Variants in SPECC1 observed in about 807,000 individuals in gnomAD.
The protein encoded by SPECC1 is cytospin-B.
Under a neutral mutation model 104.1 loss-of-function variants are expected in SPECC1, and 62 were observed. The ratio of observed to expected loss-of-function variants is 0.60; its 90% CI spans 0.49 to 0.74. The LOEUF is 0.74. Among genes scored for constraint, SPECC1 ranks in the 30% least tolerant of loss-of-function variants. The pLI is 0.00. For missense variants in SPECC1, 1,306 were observed against 1,310.5 expected, an observed-to-expected ratio of 1.00 and a Z score of 0.05; for synonymous variants, 513 against 501.6, an observed-to-expected ratio of 1.02 and a Z score of -0.30.
chr17:20,194,225 C>T (rs535427802), intron 3 of SPECC1, among the ~76,000 whole-genome samples: 1 of 152,126 alleles, frequency 6.6e-6, no homozygotes, highest in East Asian at 1.9e-4. Flanking sequence ...GGGTTTGTAC[C>T]CTCAAATACC....
chr17:20,050,166 A>G (rs2045687023), intron 1 of SPECC1, among the ~76,000 whole-genome samples: 1 of 152,214 alleles, frequency 6.6e-6, no homozygotes, highest in Admixed American at 6.5e-5. Context: ...TGGCACATGT[A>G]TACCTATGTA....
chr17:20,287,543 AGT>A (rs556015895), intron 12 of SPECC1, among the ~76,000 whole-genome samples: 153 of 152,088 alleles, frequency 1.0e-3, no homozygotes, highest in Admixed American at 7.5e-3. Context: ...CCATGTGGAA[AGT>A]GTGAATGATA....
At chr17:20,068,490 G>T (rs1430034474) in intron 1 of SPECC1, among the ~76,000 whole-genome samples, 1 of 152,100 alleles carries the variant, frequency 6.6e-6, no homozygotes, top group Non-Finnish European at 1.5e-5. Context: ...CAATTCTTTT[G>T]GATATATACC....
chr17:20,283,360 TTGTC>T (rs1305635366), intron 12 of SPECC1, among the ~76,000 whole-genome samples: 1 of 152,216 alleles, frequency 6.6e-6, no homozygotes, highest in Admixed American at 6.5e-5. Flanking sequence ...GGCATTCTGA[TTGTC>T]TGTAGCTGTA....
At position 20,110,482 on chromosome 17, in the gene SPECC1, C is replaced by T. The variant is rs371467650; in HGVS notation, c.203C>T (p.Ser68Leu). ...AACAAGCCAGGAAGTACCGCTGCAT[C>T]GGGGGTGGTTCGCCTGAAGAAGACC... The part of the protein sequence containing the change: ...TLNKPGSTAA[S>L]GVVRLKKTAT... The change falls in exon 3 of 15, where the codon TCG (serine) becomes TTG (leucine). Residue 68 changes from serine to leucine, a missense_variant. By Grantham distance (145) the Ser-to-Leu change is moderately radical (BLOSUM62 -2). This residue lies in a region of SPECC1 where 1,177 missense variants were observed against 1,139.9 expected (regional missense o/e 1.03). Coordinates refer to ENST00000395527, the MANE Select transcript of SPECC1 (RefSeq NM_001243439.2). The T allele has an allele frequency of 8.2e-5, 133 of 1,613,990 alleles. No individual in the cohort carries two copies. Among genetic ancestry groups the T allele is most frequent in the Non-Finnish European group, 8.3e-5 (98 of 1,179,972 alleles).
At chr17:20,069,588 A>G (rs1187883497) in intron 1 of SPECC1, among the ~76,000 whole-genome samples, 2 of 152,098 alleles carry the variant, frequency 1.3e-5, no homozygotes, top group African/African-American at 4.8e-5. Flanking sequence ...ATTTGTTGAA[A>G]AGACTGTCTC....
intron 3 of SPECC1, among the ~76,000 whole-genome samples, chr17:20,120,493 G>C (rs79885209): frequency 6.6e-6 from 1 of 152,206 alleles, no homozygotes; most frequent in Non-Finnish European, 1.5e-5. Flanking sequence ...TGAAGGAAAA[G>C]AATAAAATTA....
At chr17:20,098,105 C>T (rs376995473) in intron 2 of SPECC1, among the ~76,000 whole-genome samples, 2 of 152,166 alleles carry the variant, frequency 1.3e-5, no homozygotes, top group African/African-American at 4.8e-5. Flanking sequence ...CTCTAACTGC[C>T]TTTGTGACAT....
At chr17:20,269,814 C>A (rs1285057425) in intron 12 of SPECC1, among the ~76,000 whole-genome samples, 1 of 152,224 alleles carries the variant, frequency 6.6e-6, no homozygotes, top group African/African-American at 2.4e-5. Flanking sequence ...CTTTGCTGAT[C>A]TGGCTTTGTG....
Position 20,272,906 on chromosome 17 carries a change from T to TAA in SPECC1, c.2940+12612_2940+12613insAA, listed in dbSNP as rs1401862890. 3.2e-4 allele frequency among the ~76,000 whole-genome samples: 48 copies of TAA among 152,228 alleles called. 1 individual carries two copies. Among genetic ancestry groups the TAA allele is most frequent in the Non-Finnish European group, 7.3e-5 (5 of 68,040 alleles). Reference sequence around the variant, plus strand: ...TCACCAAATCTCTCTATGCAGATTGTTTCCTACAGTCCCTTTATTCCATTG... The same window carrying TAA: ...TCACCAAATCTCTCTATGCAGATTGTAATTCCTACAGTCCCTTTATTCCATTG... On this transcript the variant is annotated intron_variant, in intron 12 of 14. Coordinates refer to ENST00000395527, the MANE Select transcript of SPECC1 (RefSeq NM_001243439.2).
chr17:20,017,170 C>G (rs548178976), intron 1 of SPECC1: 2 of 152,314 alleles, frequency 1.3e-5, no homozygotes, highest in Non-Finnish European at 2.9e-5. Context: ...TCGCATTCCG[C>G]GCTGCTGAAG....
chr17:20,127,673 A>C (rs1181305244), intron 3 of SPECC1, among the ~76,000 whole-genome samples: 1 of 152,176 alleles, frequency 6.6e-6, no homozygotes, highest in African/African-American at 2.4e-5. Flanking sequence ...GGGTGAAAGT[A>C]AGGAGGGCAT....
In SPECC1 at chr17:20,088,794, C is replaced by G. The variant is rs2047283195; in HGVS notation, c.-21-7837C>G. ...CCCCCCAAAATTTATCTGTTGGAAC[C>G]TAAAACCCCATGTGATAGGATTAAG... On this transcript the variant is annotated intron_variant, in intron 1 of 14. Transcript: ENST00000395527. 4.6e-5 allele frequency among the ~76,000 whole-genome samples: 7 copies of G among 152,140 alleles called. No individual in the cohort carries two copies. The South Asian group carries it at 1.5e-3, about 32-fold the overall frequency.
At chr17:20,284,562 T>C (rs1001208435) in intron 12 of SPECC1, among the ~76,000 whole-genome samples, 1 of 152,214 alleles carries the variant, frequency 6.6e-6, no homozygotes, top group African/African-American at 2.4e-5. Context: ...CAGGCTGCAT[T>C]TGCTGAGATT....
intron 13 of SPECC1, among the ~76,000 whole-genome samples, chr17:20,300,105 C>T (rs1227654180): frequency 2.6e-5 from 4 of 152,172 alleles, no homozygotes; most frequent in Non-Finnish European, 5.9e-5. Context: ...AGCATGGGCA[C>T]AAATGGAATT....
intron 12 of SPECC1, among the ~76,000 whole-genome samples, chr17:20,276,201 C>T (rs1256736912): frequency 6.6e-6 from 1 of 152,108 alleles, no homozygotes; most frequent in East Asian, 1.9e-4. Context: ...ACTGCAGCCT[C>T]CACCTCCTGG....
intron 3 of SPECC1, among the ~76,000 whole-genome samples, chr17:20,170,659 A>G (rs2034018243): frequency 6.6e-6 from 1 of 152,162 alleles, no homozygotes; most frequent in Non-Finnish European, 1.5e-5. Flanking sequence ...TTTTACCAAT[A>G]TCATTCTTTC....
intron 1 of SPECC1, among the ~76,000 whole-genome samples, chr17:20,094,112 T>C (rs11871651): frequency 0.54 from 82,480 of 151,802 alleles, 22,973 homozygotes; most frequent in Middle Eastern, 0.62. Context: ...TGGAAGGCCT[T>C]GCCCAGGAAA....
intron 12 of SPECC1, among the ~76,000 whole-genome samples, chr17:20,262,219 G>A (rs2040052286): frequency 6.6e-6 from 1 of 152,162 alleles, no homozygotes; most frequent in African/African-American, 2.4e-5. Flanking sequence ...TTGATGGAGA[G>A]TTGAGTCATT....
Sources: gnomAD v4.1 joint callset for allele counts (sites outside exome capture counted in the v4.1 genomes callset) on GRCh38, gnomAD v4.1.1 for gene constraint, gnomAD v4.1.1 regional missense constraint, MANE v1.5 for transcripts, NCBI Gene and HGNC (gene_info 2026-07-23, HGNC 2026-07-21) for gene names.